The following MACF1 variants were observed in gnomAD, a reference collection of about 807,000 sequenced individuals.
MACF1 encodes the protein microtubule-actin cross-linking factor 1.
Under a neutral mutation model 854.8 loss-of-function variants are expected in MACF1, and 193 were observed. The ratio of observed to expected loss-of-function variants is 0.23; its 90% CI spans 0.20 to 0.25. The LOEUF (loss-of-function observed/expected upper bound fraction) is 0.25, where lower values mean the gene tolerates loss of function less well. MACF1 is among the 10% of genes least tolerant of loss of function. The pLI, the probability that MACF1 is intolerant of heterozygous loss-of-function variation, is 1.00. For missense variants in MACF1, 7,722 were observed against 8,929.1 expected (o/e 0.86, Z 5.45); for synonymous variants, 3,185 against 3,226.7 (o/e 0.99, Z 0.44).
At chr1:39,389,091 G>C (rs1044961037) in intron 58 of MACF1, among the ~76,000 whole-genome samples, 1 of 151,386 alleles carries the variant, frequency 6.6e-6, no homozygotes, top group African/African-American at 2.4e-5. Flanking sequence ...TCCCAGGCTG[G>C]TCTCAAACTC....
chr1:39,130,921 A>C (rs1419138635), intron 2 of MACF1, among the ~76,000 whole-genome samples: 1 of 147,692 alleles, frequency 6.8e-6, no homozygotes, highest in Non-Finnish European at 1.5e-5. Context: ...GGCTCACTGC[A>C]ACCTCCGCCT....
At chr1:39,376,538 C>T (rs1250014422) in intron 52 of MACF1, among the ~76,000 whole-genome samples, 1 of 152,236 alleles carries the variant, frequency 6.6e-6, no homozygotes. Flanking sequence ...TTAAGGCTCA[C>T]ATACTGAGTT....
intron 15 of MACF1, among the ~76,000 whole-genome samples, chr1:39,290,761 G>A (rs143876874): frequency 0.029 from 4,232 of 148,066 alleles, 100 homozygotes; most frequent in Middle Eastern, 0.08. Context: ...TCTGCCTCCC[G>A]TGTTCAAGCG....
At chr1:39,410,483 A>G (rs757216136) in intron 58 of MACF1, 37 of 1,614,064 alleles carry the variant, frequency 2.3e-5, no homozygotes, top group Admixed American at 6.7e-5. Flanking sequence ...ATATCCAGCA[A>G]TGGTACATTA....
At position 39,435,865 on chromosome 1, in the gene MACF1, T is replaced by C. The variant is rs1643962063; in HGVS notation, c.17988+104T>C. 8 of 934,584 alleles carry C rather than the reference T, an allele frequency of 8.6e-6. No individual in the cohort carries two copies. In the Admixed American group the frequency reaches 1.0e-4, roughly 12 times the overall value. 57.9% of individuals were successfully genotyped at this position (934,584 alleles called of 1,614,324 possible). ...GTGCTCAGGAATGTCCAGAGCAGCA[T>C]GTTAATACGTGATCGGTAGATAGAA... is the stretch of plus-strand genomic sequence containing the variant. On this transcript the variant is annotated intron_variant, in intron 70 of 100. Coordinates refer to ENST00000564288, the MANE Select transcript of MACF1 (RefSeq NM_001394062.1).
upstream of MACF1, among the ~76,000 whole-genome samples, chr1:39,201,425 T>C (rs541324293): frequency 6.6e-6 from 1 of 152,282 alleles, no homozygotes; most frequent in South Asian, 2.1e-4. Flanking sequence ...CGATTTTGGC[T>C]CACTGCAACC....
chr1:39,322,978 T>C lies in MACF1; in HGVS notation c.4206T>C (p.Ser1402=), dbSNP rs747438593. Residue 1402 remains serine (S), a synonymous_variant, in exon 33 of 101, where the codon AGT becomes AGC. Transcript: ENST00000564288. ...TLTTQHVKYI[S]DALRRLEEEE... ...CAACTCAGCACGTGAAATACATCAG[T>C]GATGCACTCCGGCGTCTGGAGGAGG... 6.2e-7 allele frequency: 1 copy of C among 1,614,086 alleles called. No homozygotes were observed. Among genetic ancestry groups the C allele is most frequent in the South Asian group, 1.1e-5 (1 of 91,086 alleles).
intron 6 of MACF1, among the ~76,000 whole-genome samples, chr1:39,279,550 G>C (rs1448540152): frequency 6.6e-6 from 1 of 152,096 alleles, no homozygotes; most frequent in Non-Finnish European, 1.5e-5. Context: ...GCACCTGATA[G>C]AGACGACTAA....
chr1:39,456,190 C>T (rs1230534025), intron 89 of MACF1, among the ~76,000 whole-genome samples: 1 of 152,106 alleles, frequency 6.6e-6, no homozygotes, highest in Non-Finnish European at 1.5e-5. Flanking sequence ...AAAAATTAGT[C>T]GGGTGTGGTT....
At chr1:39,121,563 C>T (rs1450210441) in intron 2 of MACF1, among the ~76,000 whole-genome samples, 1 of 152,102 alleles carries the variant, frequency 6.6e-6, no homozygotes, top group Non-Finnish European at 1.5e-5. Flanking sequence ...ATTCTTGTGC[C>T]TCAGCCTGCT....
intron 2 of MACF1, among the ~76,000 whole-genome samples, chr1:39,161,657 G>C (rs1287256632): frequency 6.6e-6 from 1 of 152,048 alleles, no homozygotes; most frequent in Non-Finnish European, 1.5e-5. Flanking sequence ...ACAACGTCAG[G>C]AGTTTGAGAC....
intron 2 of MACF1, among the ~76,000 whole-genome samples, chr1:39,241,386 A>G (rs1439627128): frequency 6.6e-6 from 1 of 152,080 alleles, no homozygotes; most frequent in African/African-American, 2.4e-5. Context: ...GAGGCCAGGC[A>G]TGGTGGCTCA....
At position 39,417,713 on chromosome 1, in the gene MACF1, A is replaced by ATTTTTTTTTT. The variant is rs56799242; in HGVS notation, c.15817-4634_15817-4625dup. ...AGGAATGTGCCACCACACCCAGTTAATTTTTTTTTTTTTTTTTTTTTTTTT... is the reference window on the plus strand; with the variant it reads ...AGGAATGTGCCACCACACCCAGTTAATTTTTTTTTTTTTTTTTTTTTTTTTTTTTTTTTTT... On this transcript the variant is annotated intron_variant, in intron 58 of 100. Transcript: ENST00000564288. Among the ~76,000 whole-genome samples the ATTTTTTTTTT allele has an allele frequency of 1.3e-4, 7 of 55,830 alleles. 1 individual carries two copies. Among genetic ancestry groups the ATTTTTTTTTT allele is most frequent in the Admixed American group, 5.1e-4 (2 of 3,950 alleles). The allele number at this position is 55,830 out of a possible 152,430, so 36.6% of individuals were successfully genotyped here.
chr1:39,341,558 C>T (rs964285953), intron 40 of MACF1, among the ~76,000 whole-genome samples: 1 of 151,418 alleles, frequency 6.6e-6, no homozygotes, highest in Non-Finnish European at 1.5e-5. Flanking sequence ...ATTAGCCGGG[C>T]GGTGTGGCAG....
chr1:39,311,023 A>T, intron 26 of MACF1, 23 bp downstream of exon 26: 1 of 1,602,098 alleles, frequency 6.2e-7, no homozygotes, highest in Non-Finnish European at 8.5e-7. Context: ...AGCCATGTGG[A>T]TGCTGGTTGT....
At chr1:39,351,872 G>A (rs1647194653) in intron 43 of MACF1, among the ~76,000 whole-genome samples, 1 of 152,102 alleles carries the variant, frequency 6.6e-6, no homozygotes. Context: ...ACAGGTGTGA[G>A]TCACCATGCC....
intron 97 of MACF1, among the ~76,000 whole-genome samples, chr1:39,472,808 TA>T (rs34923828): frequency 0.051 from 7,755 of 152,026 alleles, 272 homozygotes; most frequent in Admixed American, 0.079. Context: ...GGAAGGAAAA[TA>T]AAAGGGAGAA....
intron 2 of MACF1, among the ~76,000 whole-genome samples, chr1:39,091,785 A>C (rs150682660): frequency 6.6e-6 from 1 of 152,206 alleles, no homozygotes; most frequent in East Asian, 1.9e-4. Context: ...CAGCCACTGC[A>C]CCCGGCTGCC....
chr1:39,150,533 G>A (rs1353457805), intron 2 of MACF1, among the ~76,000 whole-genome samples: 6 of 152,100 alleles, frequency 3.9e-5, no homozygotes, highest in Admixed American at 6.5e-5. Context: ...TATTATGGGA[G>A]GGGGAGTGGA....
Sources: gnomAD v4.1 joint callset for allele counts (sites outside exome capture counted in the v4.1 genomes callset) on GRCh38, gnomAD v4.1.1 for gene constraint, MANE v1.5 for transcripts, NCBI Gene and HGNC (gene_info 2026-07-23, HGNC 2026-07-21) for gene names.